TTC12: variants seen among roughly 807,000 people sequenced by gnomAD.
TTC12 encodes tetratricopeptide repeat domain 12.
TTC12 carries 70 observed loss-of-function variants against 90.1 expected under a neutral mutation model. That is an observed-to-expected ratio of 0.78 (90% confidence interval 0.64 to 0.95). The LOEUF is 0.95. Ranked by LOEUF, TTC12 falls within the 40% of genes least tolerant of loss-of-function variation. TTC12 has a pLI of 0.00. For synonymous variants in TTC12, 296 were observed against 311.5 expected (o/e 0.95, Z 0.53); for missense variants, 819 against 846.1 (o/e 0.97, Z 0.40).
chr11:113,332,342 A>T (rs898626255), intron 7 of TTC12, among the ~76,000 whole-genome samples: 9 of 152,190 alleles, frequency 5.9e-5, no homozygotes, highest in African/African-American at 2.2e-4. Flanking sequence ...TCATTGTCTG[A>T]GGAAGGCAAA....
intron 15 of TTC12, 48 bp downstream of exon 15, chr11:113,351,347 C>G (rs369606127): frequency 6.8e-7 from 1 of 1,476,810 alleles, no homozygotes; most frequent in African/African-American, 1.4e-5. Flanking sequence ...CTCTCAGGAG[C>G]GTGAATGGGG....
intron 6 of TTC12, among the ~76,000 whole-genome samples, chr11:113,328,422 C>T (rs1449792171): frequency 1.3e-5 from 2 of 152,138 alleles, no homozygotes; most frequent in South Asian, 2.1e-4. Context: ...TTGAATGGAT[C>T]ACGGAATTCT....
In TTC12 at chr11:113,340,670, A is replaced by G. The variant is rs781886804; in HGVS notation, c.833A>G (p.Glu278Gly). 4 of 1,613,932 alleles carry G rather than the reference A, an allele frequency of 2.5e-6. No individual in the cohort carries two copies. Among genetic ancestry groups the G allele is most frequent in the Non-Finnish European group, 3.4e-6 (4 of 1,179,906 alleles). ...TTCTTTGTATCTGTTTCAGGCACAG[A>G]ACAAACTTTATTCAGAATGCACAAT... Reference protein sequence around the residue: ...ILTEMINECTEQTLFRMHNGF... With the variant: ...ILTEMINECTGQTLFRMHNGF... The change falls in exon 11 of 22, where the codon GAA becomes GGA. Residue 278 changes from glutamate (E) to glycine (G), a missense_variant. Physicochemically the swap from Glu to Gly is moderately conservative, Grantham distance 98. Coordinates refer to ENST00000529221, the MANE Select transcript of TTC12 (RefSeq NM_017868.4).
intron 12 of TTC12, among the ~76,000 whole-genome samples, chr11:113,343,854 T>C (rs1193430979): frequency 6.6e-6 from 1 of 152,230 alleles, no homozygotes; most frequent in Non-Finnish European, 1.5e-5. Context: ...GTTGTATGAA[T>C]ATTGATGGCC....
At chr11:113,324,974 G>C (rs146056471) in intron 5 of TTC12, among the ~76,000 whole-genome samples, 3 of 152,156 alleles carry the variant, frequency 2.0e-5, no homozygotes, top group South Asian at 2.1e-4. Flanking sequence ...AGGAAGTAGT[G>C]GGGGGTGAGA....
rs6589370 is a variant in TTC12 at position 113,320,248 on chromosome 11, G to T, written c.59-3040G>T. ...GATCTGCAGCGCTAAGTGGAAACAG[G>T]CATTTCTGTTTTCGTGCCCAAAAAG... On this transcript the variant is annotated intron_variant, in intron 2 of 21. Coordinates refer to ENST00000529221, the MANE Select transcript of TTC12 (RefSeq NM_017868.4). Among the ~76,000 whole-genome samples, 770 of 152,228 alleles carry T rather than the reference G, an allele frequency of 5.1e-3. 14 individuals carry two copies. The highest frequency in any genetic ancestry group is 0.049 in the South Asian group (236 of 4,812).
At chr11:113,327,420 G>T (rs1947760329) in intron 6 of TTC12, among the ~76,000 whole-genome samples, 1 of 146,058 alleles carries the variant, frequency 6.8e-6, no homozygotes, top group Non-Finnish European at 1.5e-5. Flanking sequence ...ACTTAATAAG[G>T]ACCCTGTAAA....
At chr11:113,342,930 TAAC>T (rs1216285840) in intron 12 of TTC12, among the ~76,000 whole-genome samples, 75 of 152,204 alleles carry the variant, frequency 4.9e-4, no homozygotes, top group African/African-American at 1.7e-3. Flanking sequence ...GAATCTGACA[TAAC>T]AATCTGTTTA....
At chr11:113,323,180 AT>A (rs1445423230) in intron 2 of TTC12, 107 bp from the exon 3 acceptor site, 46 of 812,974 alleles carry the variant, frequency 5.7e-5, no homozygotes, top group Non-Finnish European at 7.1e-5. Flanking sequence ...CTATTGCTCT[AT>A]TTTTTTCTTT....
At chr11:113,362,254 T>C (rs1391355276) in intron 18 of TTC12, 147 bp from the exon 19 acceptor site, 16 of 610,136 alleles carry the variant, frequency 2.6e-5, no homozygotes, top group Non-Finnish European at 4.7e-5. Flanking sequence ...AAAAGAACAG[T>C]GCTTTCTATT....
At chr11:113,370,913 G>A (rs778069326), downstream of TTC12, among the ~76,000 whole-genome samples, 3 of 152,096 alleles carry the variant, frequency 2.0e-5, no homozygotes, top group Non-Finnish European at 2.9e-5. Flanking sequence ...AGCAGCTCTG[G>A]ATGCTCATTT....
intron 12 of TTC12, among the ~76,000 whole-genome samples, chr11:113,342,989 C>T (rs999380686): frequency 6.6e-5 from 10 of 152,208 alleles, no homozygotes; most frequent in African/African-American, 2.2e-4. Context: ...CTTAAAGTTA[C>T]ATTTTTTTAT....
At chr11:113,323,191 T>C in intron 2 of TTC12, 97 bp from the exon 3 acceptor site, 1 of 1,024,276 alleles carries the variant, frequency 9.8e-7, no homozygotes. Context: ...TTTTTTTCTT[T>C]AAGATCTTTC....
chr11:113,355,176 T>A (rs1055194945), intron 16 of TTC12, among the ~76,000 whole-genome samples: 10 of 152,316 alleles, frequency 6.6e-5, no homozygotes, highest in Middle Eastern at 6.8e-3. Flanking sequence ...TTTTTCCTGG[T>A]TCAGCCTTTG....
intron 13 of TTC12, 112 bp from the exon 14 acceptor site, chr11:113,349,961 G>C: frequency 1.2e-6 from 1 of 840,862 alleles, no homozygotes; most frequent in Admixed American, 1.9e-5. Context: ...CACCCTTTCT[G>C]CTTATTTCAC....
chr11:113,325,403 TC>T, intron 5 of TTC12, 120 bp from the exon 6 acceptor site: 1 of 1,168,354 alleles, frequency 8.6e-7, no homozygotes, highest in Non-Finnish European at 1.2e-6. Context: ...AAGTGTCAAG[TC>T]CCTTTAGGAT....
chr11:113,351,083 A>G (rs1406289559), intron 14 of TTC12, among the ~76,000 whole-genome samples, 156 bp from the exon 15 acceptor site: 1 of 152,250 alleles, frequency 6.6e-6, no homozygotes, highest in Non-Finnish European at 1.5e-5. Context: ...TTACATACAC[A>G]GTGACATGCT....
chr11:113,323,199 T>G (rs1234151126), intron 2 of TTC12, 89 bp from the exon 3 acceptor site: 2 of 1,082,368 alleles, frequency 1.8e-6, no homozygotes, highest in Non-Finnish European at 2.5e-6. Context: ...TTTAAGATCT[T>G]TCCCATGCAT....
intron 6 of TTC12, 121 bp from the exon 7 acceptor site, chr11:113,329,799 A>T: frequency 2.4e-6 from 2 of 843,934 alleles, no homozygotes; most frequent in Non-Finnish European, 4.1e-6. Context: ...CAGGACCATG[A>T]CTGATCCAGG....
Sources: allele counts gnomAD v4.1 joint callset (sites outside exome capture counted in the v4.1 genomes callset), GRCh38; gene constraint gnomAD v4.1.1; transcripts MANE v1.5; gene names NCBI Gene and HGNC (gene_info 2026-07-23, HGNC 2026-07-21).